Variants in LHFPL2 observed in about 807,000 individuals in gnomAD.
LHFPL2 encodes LHFPL tetraspan subfamily member 2 protein.
Under a neutral mutation model 17.5 loss-of-function variants are expected in LHFPL2, and 7 were observed. The ratio of observed to expected loss-of-function variants is 0.40; its 90% CI spans 0.23 to 0.75. The LOEUF (loss-of-function observed/expected upper bound fraction) is 0.75. Among genes scored for constraint, LHFPL2 ranks in the 30% least tolerant of loss-of-function variants. The pLI, the probability that LHFPL2 is intolerant of heterozygous loss-of-function variation, is 0.37. For missense variants in LHFPL2, 241 were observed against 294.8 expected, an observed-to-expected ratio of 0.82 and a Z score of 1.34; for synonymous variants, 134 against 116.2, an observed-to-expected ratio of 1.15 and a Z score of -0.99.
In LHFPL2 at chr5:78,486,688, C is replaced by G. The variant is rs1210867506; in HGVS notation, c.*2209G>C. On this transcript the variant is annotated 3_prime_UTR_variant, in exon 5 of 5. Transcript: ENST00000380345. ...TTCAGATTAATAACATAAACACTAT[C>G]GAGTGAGTTTATTATGGCCAAGAAG... 1 of 152,088 alleles carries G rather than the reference C, an allele frequency of 6.6e-6. No homozygotes were observed. The highest frequency in any genetic ancestry group is 2.4e-5 in the African/African-American group (1 of 41,386). The allele number at this position is 152,088 out of a possible 1,614,324, so 9.4% of individuals were successfully genotyped here.
chr5:78,616,747 T>C (rs1322331238), intron 2 of LHFPL2, among the ~76,000 whole-genome samples: 1 of 152,064 alleles, frequency 6.6e-6, no homozygotes, highest in Non-Finnish European at 1.5e-5. Context: ...GATATGAGTC[T>C]GACTCTTCTC....
At chr5:78,519,233 T>C (rs17804233) in intron 3 of LHFPL2, among the ~76,000 whole-genome samples, 55,829 of 151,960 alleles carry the variant, frequency 0.37, 12,381 homozygotes, top group Non-Finnish European at 0.5. Flanking sequence ...GGTTAGGTGA[T>C]AAAAAGGAGC....
chr5:78,493,322 G>C (rs1053892991), intron 4 of LHFPL2, among the ~76,000 whole-genome samples: 1 of 152,154 alleles, frequency 6.6e-6, no homozygotes, highest in Non-Finnish European at 1.5e-5. Flanking sequence ...AGCAGCCTGG[G>C]CAGGAGTTCC....
chr5:78,638,349 G>A (rs542218051), intron 1 of LHFPL2, among the ~76,000 whole-genome samples: 848 of 152,168 alleles, frequency 5.6e-3, no homozygotes, highest in Non-Finnish European at 8.7e-3. Flanking sequence ...GCGAGACACC[G>A]TCTCAAATAA....
rs77768868 is a variant in LHFPL2 at position 78,598,228 on chromosome 5, C to T, written c.-244-33357G>A. ...CAAACTACTAGTTCAAGTTAATTCA[C>T]AAAATGCATTACATTCCTTTTGATG... On this transcript the variant is annotated intron_variant, in intron 2 of 4. Coordinates refer to ENST00000380345, the MANE Select transcript of LHFPL2 (RefSeq NM_005779.3). 4.6e-5 allele frequency among the ~76,000 whole-genome samples: 7 copies of T among 152,290 alleles called. No homozygotes were observed. The East Asian group carries it at 1.3e-3, about 29-fold the overall frequency.
At chr5:78,537,415 A>G (rs1755982865) in intron 3 of LHFPL2, among the ~76,000 whole-genome samples, 1 of 152,206 alleles carries the variant, frequency 6.6e-6, no homozygotes, top group Non-Finnish European at 1.5e-5. Context: ...TTTAGGTGTC[A>G]ATTGCCAGCC....
At chr5:78,494,311 C>T (rs1754538833) in intron 4 of LHFPL2, 2 of 961,100 alleles carry the variant, frequency 2.1e-6, no homozygotes, top group African/African-American at 1.8e-5. Context: ...CCACCAAAGA[C>T]AACGCAGCCA....
At chr5:78,572,107 A>C (rs1248728257) in intron 2 of LHFPL2, among the ~76,000 whole-genome samples, 1 of 152,164 alleles carries the variant, frequency 6.6e-6, no homozygotes, top group Non-Finnish European at 1.5e-5. Context: ...TTAAGGTTTG[A>C]AGTACCTAGC....
intron 1 of LHFPL2, among the ~76,000 whole-genome samples, chr5:78,636,063 T>C (rs1359876157): frequency 6.6e-6 from 1 of 152,080 alleles, no homozygotes; most frequent in African/African-American, 2.4e-5. Context: ...AAGTTCTGCC[T>C]AGTGCCCTCC....
At chr5:78,561,598 C>T (rs1016675321) in intron 3 of LHFPL2, among the ~76,000 whole-genome samples, 9 of 152,184 alleles carry the variant, frequency 5.9e-5, no homozygotes, top group African/African-American at 2.2e-4. Flanking sequence ...CTCAACAAGA[C>T]ACGGTTCAAA....
chr5:78,559,958 C>A, intron 3 of LHFPL2, among the ~76,000 whole-genome samples: 1 of 152,298 alleles, frequency 6.6e-6, no homozygotes, highest in African/African-American at 2.4e-5. Flanking sequence ...ACTGTACCAC[C>A]CATCTGCTCA....
At chr5:78,558,641 T>C (rs1365184772) in intron 3 of LHFPL2, among the ~76,000 whole-genome samples, 1 of 152,204 alleles carries the variant, frequency 6.6e-6, no homozygotes, top group Non-Finnish European at 1.5e-5. Context: ...GCCAGGCTTA[T>C]ACATTTATTA....
rs1267997521 is a variant in LHFPL2, at chr5:78,648,737, C to G, written c.-588G>C. ...CAGCGAGGCGAGAGAGCGCCAAGCT[C>G]GGCGGCCGCCCGGGCTAGCACTCGG... On this transcript the variant is annotated 5_prime_UTR_variant, in exon 1 of 5. Coordinates refer to ENST00000380345, the MANE Select transcript of LHFPL2 (RefSeq NM_005779.3). This position sits in a 1 kb window ranked among gnomAD's most constrained non-coding sequence, Gnocchi z 5.4. 1 of 150,798 alleles carries G rather than the reference C, an allele frequency of 6.6e-6. No individual in the cohort carries two copies. The highest frequency in any genetic ancestry group is 1.5e-5 in the Non-Finnish European group (1 of 67,816). The allele number at this position is 150,798 out of a possible 1,614,324, so 9.3% of individuals were successfully genotyped here.
At chr5:78,516,854 C>A (rs1257842208) in intron 3 of LHFPL2, among the ~76,000 whole-genome samples, 1 of 152,170 alleles carries the variant, frequency 6.6e-6, no homozygotes, top group Non-Finnish European at 1.5e-5. Flanking sequence ...GTCTCTGCAT[C>A]ACACGCTAAA....
chr5:78,607,474 T>A (rs1213403027), intron 2 of LHFPL2, among the ~76,000 whole-genome samples: 1 of 152,198 alleles, frequency 6.6e-6, no homozygotes, highest in African/African-American at 2.4e-5. Context: ...TAAAAGACAT[T>A]TAAAAATAAG....
At chr5:78,591,928 T>A (rs1477735315) in intron 2 of LHFPL2, among the ~76,000 whole-genome samples, 1 of 152,200 alleles carries the variant, frequency 6.6e-6, no homozygotes, top group African/African-American at 2.4e-5. Flanking sequence ...ACAACTGGCA[T>A]GAACATGTGG....
At chr5:78,531,157 T>C (rs963477253) in intron 3 of LHFPL2, among the ~76,000 whole-genome samples, 4 of 151,586 alleles carry the variant, frequency 2.6e-5, no homozygotes, top group African/African-American at 9.7e-5. Context: ...GGCTCACGCC[T>C]ATAATCCCAG....
chr5:78,644,825 C>T (rs1000713800), intron 1 of LHFPL2: 1 of 214,226 alleles, frequency 4.7e-6, no homozygotes, highest in South Asian at 8.6e-5. Flanking sequence ...CTCTCAGCTT[C>T]CTTGGATCTC....
intron 3 of LHFPL2, among the ~76,000 whole-genome samples, chr5:78,535,077 A>G (rs1199815501): frequency 6.6e-6 from 1 of 152,234 alleles, no homozygotes; most frequent in African/African-American, 2.4e-5. Flanking sequence ...CCCATTTTCT[A>G]GTGTTCTAGA....
Sources: gnomAD v4.1 joint callset for allele counts (sites outside exome capture counted in the v4.1 genomes callset) on GRCh38, gnomAD v4.1.1 for gene constraint, Gnocchi (gnomAD v3.1) non-coding constraint, MANE v1.5 for transcripts, NCBI Gene and HGNC (gene_info 2026-07-23, HGNC 2026-07-21) for gene names.